Variants in CARMIL1 observed in about 807,000 individuals in gnomAD.
CARMIL1 encodes F-actin-uncapping protein LRRC16A.
Under a neutral mutation model 177.1 loss-of-function variants are expected in CARMIL1, and 90 were observed. The ratio of observed to expected loss-of-function variants is 0.51; its 90% CI spans 0.43 to 0.61. CARMIL1 has a LOEUF of 0.61. CARMIL1 is among the 20% of genes least tolerant of loss of function. CARMIL1 has a pLI of 0.00. For synonymous variants in CARMIL1, 577 were observed against 606.2 expected (o/e 0.95, Z 0.71); for missense variants, 1,380 against 1,667.0 (o/e 0.83, Z 3.00).
chr6:25,288,487 T>A (rs1487445753), intron 2 of CARMIL1, among the ~76,000 whole-genome samples: 32 of 152,002 alleles, frequency 2.1e-4, no homozygotes, highest in Admixed American at 5.2e-4. Context: ...GGTTTTTTTT[T>A]TTTTTTTTTC....
At position 25,314,501 on chromosome 6, in the gene CARMIL1, A is replaced by C. The variant is rs142727787; in HGVS notation, c.138+29592A>C. ...AAAAAAAAAAATTATATATATACAC[A>C]CCCCCACACACAATACATACATACA... On this transcript the variant is annotated intron_variant, in intron 2 of 36. Transcript: ENST00000329474. 3.8e-3 allele frequency among the ~76,000 whole-genome samples: 470 copies of C among 124,050 alleles called. 4 individuals are homozygous for C. Among genetic ancestry groups the C allele is most frequent in the African/African-American group, 0.016 (433 of 27,496 alleles). The allele number at this position is 124,050 out of a possible 152,430, so 81.4% of individuals were successfully genotyped here. A position where few individuals can be genotyped will look rare whatever the true frequency, so the allele number is the denominator to read the frequency against.
chr6:25,312,519 A>G (rs1057209431), intron 2 of CARMIL1, among the ~76,000 whole-genome samples: 2 of 152,200 alleles, frequency 1.3e-5, no homozygotes, highest in African/African-American at 2.4e-5. Context: ...GGCCACACCC[A>G]TGATAACGCT....
chr6:25,357,033 G>T (rs1473775115), intron 2 of CARMIL1, among the ~76,000 whole-genome samples: 1 of 150,548 alleles, frequency 6.6e-6, no homozygotes, highest in Non-Finnish European at 1.5e-5. Flanking sequence ...AACTATTGGG[G>T]TAGGATGGAG....
At chr6:25,595,788 A>G (rs1014984502) in intron 32 of CARMIL1, among the ~76,000 whole-genome samples, 5 of 152,228 alleles carry the variant, frequency 3.3e-5, no homozygotes, top group Non-Finnish European at 7.3e-5. Flanking sequence ...CAACACAAAC[A>G]TATAGCAAAA....
rs1028144622 is a variant in CARMIL1 at position 25,288,060 on chromosome 6, C to T, written c.138+3151C>T. On this transcript the variant is annotated intron_variant, in intron 2 of 36. Transcript: ENST00000329474. ...TCAGATGTGCTATGAGTGGATGAAT[C>T]GGGGCTTCAGGAGCACGGAGAGGAA... Among the ~76,000 whole-genome samples the T allele has an allele frequency of 2.6e-5, 4 of 152,204 alleles. No homozygotes were observed. The East Asian group carries it at 7.7e-4, about 29-fold the overall frequency.
intron 29 of CARMIL1, among the ~76,000 whole-genome samples, chr6:25,557,851 GTGAATAAAATATT>G (rs944038147): frequency 1.3e-4 from 20 of 152,284 alleles, no homozygotes; most frequent in East Asian, 9.6e-4. Context: ...TTTAAAGTCT[GTGAATAAAATATT>G]TGAGGGTTCT....
chr6:25,430,650 C>G (rs367627916), intron 4 of CARMIL1, among the ~76,000 whole-genome samples: 3 of 152,036 alleles, frequency 2.0e-5, no homozygotes, highest in African/African-American at 7.2e-5. Context: ...AGGCTCGACT[C>G]GAACTTCTGA....
At chr6:25,281,136 GCACACACACACACA>G (rs1554148590) in intron 1 of CARMIL1, among the ~76,000 whole-genome samples, 14 of 132,194 alleles carry the variant, frequency 1.1e-4, no homozygotes, top group East Asian at 4.8e-4. Flanking sequence ...GTGCGCGCGC[GCACACACACACACA>G]CACACACACA....
intron 1 of CARMIL1, among the ~76,000 whole-genome samples, chr6:25,283,948 C>T (rs1267774129): frequency 6.6e-6 from 1 of 152,062 alleles, no homozygotes; most frequent in Non-Finnish European, 1.5e-5. Context: ...GAACTCCTGG[C>T]CTCAAGCGAT....
chr6:25,283,815 G>A (rs773189606), intron 1 of CARMIL1, among the ~76,000 whole-genome samples: 6 of 152,102 alleles, frequency 3.9e-5, no homozygotes, highest in Non-Finnish European at 8.8e-5. Flanking sequence ...TCGGTTTCAA[G>A]CAATTCTCGT....
intron 27 of CARMIL1, among the ~76,000 whole-genome samples, chr6:25,552,291 A>G (rs1030782035): frequency 1.3e-5 from 2 of 152,136 alleles, no homozygotes; most frequent in African/African-American, 2.4e-5. Flanking sequence ...TGTATTGGCC[A>G]CTATTCTTTC....
chr6:25,412,827 A>G (rs560150445), intron 2 of CARMIL1, among the ~76,000 whole-genome samples: 45 of 152,314 alleles, frequency 3.0e-4, no homozygotes, highest in South Asian at 2.1e-3. Context: ...ACTAGGCTGT[A>G]TAGCCTCACT....
intron 20 of CARMIL1, among the ~76,000 whole-genome samples, chr6:25,511,012 T>C (rs979614917): frequency 1.3e-5 from 2 of 152,182 alleles, no homozygotes; most frequent in Admixed American, 1.3e-4. Context: ...GAAGTATAAA[T>C]TGACTCCTGA....
At chr6:25,528,999 G>C (rs1807450805) in intron 24 of CARMIL1, 106 bp downstream of exon 24, 10 of 824,748 alleles carry the variant, frequency 1.2e-5, no homozygotes, top group Non-Finnish European at 1.7e-5. Flanking sequence ...ATAAGAACTA[G>C]TTTTTGAAAA....
chr6:25,577,483 G>A lies in CARMIL1; in HGVS notation c.2743-3441G>A, dbSNP rs1256804082. On this transcript the variant is annotated intron_variant, in intron 29 of 36. Coordinates refer to ENST00000329474, the MANE Select transcript of CARMIL1 (RefSeq NM_017640.6). This position sits in a 1 kb window ranked among gnomAD's most constrained non-coding sequence, Gnocchi z 4.5. ...TTCTTTCTACAGCCTTGGTGGTGGG[G>A]GGAAGTAATTATGGATTCTTGAACT... Among the ~76,000 whole-genome samples, 1 of 151,716 alleles carries A rather than the reference G, an allele frequency of 6.6e-6. No homozygotes were observed. Among genetic ancestry groups the A allele is most frequent in the Non-Finnish European group, 1.5e-5 (1 of 67,954 alleles).
chr6:25,590,079 G>A (rs1814147170), intron 31 of CARMIL1, among the ~76,000 whole-genome samples: 1 of 152,134 alleles, frequency 6.6e-6, no homozygotes, highest in African/African-American at 2.4e-5. Flanking sequence ...TAGCCAGTTG[G>A]TCACATCAAT....
chr6:25,477,948 T>C (rs944194021), intron 11 of CARMIL1, among the ~76,000 whole-genome samples: 1 of 148,570 alleles, frequency 6.7e-6, no homozygotes, highest in Non-Finnish European at 1.5e-5. Flanking sequence ...CTCCATTTCC[T>C]GGGCTCAAGC....
intron 4 of CARMIL1, among the ~76,000 whole-genome samples, chr6:25,428,771 A>AT (rs1302301876): frequency 6.6e-6 from 1 of 152,270 alleles, no homozygotes; most frequent in South Asian, 2.1e-4. Flanking sequence ...AGTGTTTAAT[A>AT]TTTTTTGATG....
chr6:25,474,743 A>G (rs1801387994), intron 11 of CARMIL1, among the ~76,000 whole-genome samples: 1 of 152,248 alleles, frequency 6.6e-6, no homozygotes, highest in African/African-American at 2.4e-5. Context: ...CAGAGAGGTG[A>G]ATGTGACAAA....
Sources: allele counts gnomAD v4.1 joint callset (sites outside exome capture counted in the v4.1 genomes callset), GRCh38; gene constraint gnomAD v4.1.1; non-coding constraint Gnocchi (gnomAD v3.1); transcripts MANE v1.5; gene names NCBI Gene and HGNC (gene_info 2026-07-23, HGNC 2026-07-21).